RMC1: variants seen among roughly 807,000 people sequenced by gnomAD.
RMC1 encodes the protein regulator of MON1-CCZ1, also known as regulator of MON1-CCZ1 complex.
A neutral mutation model predicts 95.5 loss-of-function variants in RMC1; 44 were observed. That is an observed-to-expected ratio of 0.46 (90% CI 0.36 to 0.59). The LOEUF is 0.59. Among genes scored for constraint, RMC1 ranks in the 20% least tolerant of loss-of-function variants. RMC1 has a pLI of 0.00. For missense variants in RMC1, 705 were observed against 819.6 expected, an observed-to-expected ratio of 0.86 and a Z score of 1.71; for synonymous variants, 320 against 303.6, an observed-to-expected ratio of 1.05 and a Z score of -0.56.
Position 23,512,035 on chromosome 18 carries a change from T to C in RMC1, c.408+2756T>C, listed in dbSNP as rs1443575631. Among the ~76,000 whole-genome samples, 18 of 151,082 alleles carry C rather than the reference T, an allele frequency of 1.2e-4. No individual in the cohort carries two copies. In the East Asian group the frequency reaches 2.9e-3, roughly 24 times the overall value. On this transcript the variant is annotated intron_variant, in intron 5 of 19. Transcript: ENST00000269221. The stretch of plus-strand genomic sequence containing the variant: ...GAAAGACTTTTTTTTTTTTTTTTTT[T>C]TCTGAGACAGAGTCTCACTCCGTCG...
At chr18:23,531,536 T>C in intron 19 of RMC1, 89 bp from the exon 20 acceptor site, 1 of 1,539,652 alleles carries the variant, frequency 6.5e-7, no homozygotes, top group Non-Finnish European at 8.7e-7. Flanking sequence ...AAAAATAAGT[T>C]AAAACCCAGT....
chr18:23,517,658 T>C (rs966645939), intron 7 of RMC1, among the ~76,000 whole-genome samples: 1 of 152,150 alleles, frequency 6.6e-6, no homozygotes, highest in Non-Finnish European at 1.5e-5. Context: ...TGGTAGTTAG[T>C]ATAATGTTCT....
At position 23,507,879 on chromosome 18, in the gene RMC1, C is replaced by T. The variant is rs141953191; in HGVS notation, c.265-106C>T. On this transcript the variant is annotated intron_variant, in intron 3 of 19. Transcript: ENST00000269221. ...GTTGTCTTCAGTTATTTTCTGGTCA[C>T]TTTTTAAGTTAATATTTATTTTTCT... The T allele has an allele frequency of 1.3e-3, 1,283 of 957,210 alleles. 10 individuals are homozygous for T. The African/African-American group carries it at 0.02, about 15-fold the overall frequency. 59.3% of individuals were successfully genotyped at this position (957,210 alleles called of 1,614,324 possible).
intron 6 of RMC1, 148 bp from the exon 7 acceptor site, chr18:23,516,171 TG>T: frequency 7.8e-7 from 1 of 1,283,438 alleles, no homozygotes; most frequent in Non-Finnish European, 1.1e-6. Flanking sequence ...CATTCTATGC[TG>T]GGCAGACAGG....
At chr18:23,512,481 C>T (rs896622854) in intron 5 of RMC1, among the ~76,000 whole-genome samples, 6 of 152,248 alleles carry the variant, frequency 3.9e-5, no homozygotes, top group East Asian at 1.9e-4. Flanking sequence ...AGTACAGTGG[C>T]ACAATCACGG....
At chr18:23,508,234 G>C (rs2057762066) in intron 4 of RMC1, among the ~76,000 whole-genome samples, 193 bp downstream of exon 4, 1 of 152,160 alleles carries the variant, frequency 6.6e-6, no homozygotes, top group African/African-American at 2.4e-5. Context: ...TTGAAAGCTT[G>C]TTCCTTTGGA....
chr18:23,512,388 A>G (rs2057885764), intron 5 of RMC1, among the ~76,000 whole-genome samples: 2 of 151,960 alleles, frequency 1.3e-5, no homozygotes, highest in African/African-American at 4.8e-5. Context: ...TATATTGTCC[A>G]TTTGTATTTT....
intron 10 of RMC1, among the ~76,000 whole-genome samples, chr18:23,523,781 T>C (rs2058213917): frequency 6.6e-6 from 1 of 152,186 alleles, no homozygotes; most frequent in African/African-American, 2.4e-5. Flanking sequence ...TCTCCGTGGA[T>C]GATCTGGGTA....
At chr18:23,504,486 A>C (rs1360487371) in intron 2 of RMC1, 39 bp downstream of exon 2, 1 of 1,514,214 alleles carries the variant, frequency 6.6e-7, no homozygotes, top group African/African-American at 1.4e-5. Flanking sequence ...TTGTCATGTA[A>C]ACAGAATGAT....
At chr18:23,511,348 A>G (rs1419797858) in intron 5 of RMC1, among the ~76,000 whole-genome samples, 2 of 152,172 alleles carry the variant, frequency 1.3e-5, no homozygotes, top group Non-Finnish European at 2.9e-5. Flanking sequence ...GAGGAGGGAG[A>G]GGAGCAGAAA....
At chr18:23,522,545 A>ATTC (rs372151969) in intron 10 of RMC1, 2 of 152,366 alleles carry the variant, frequency 1.3e-5, no homozygotes, top group Non-Finnish European at 2.9e-5. Flanking sequence ...GCCCAAGACC[A>ATTC]TTCTTCTTCT....
At chr18:23,503,874 T>C (rs939477545) in intron 1 of RMC1, among the ~76,000 whole-genome samples, 154 bp downstream of exon 1, 4 of 151,908 alleles carry the variant, frequency 2.6e-5, no homozygotes, top group Admixed American at 6.5e-5. Flanking sequence ...CCTTGTTGGG[T>C]GGGCTCAGCC....
chr18:23,530,066 G>T lies in RMC1; in HGVS notation c.1533G>T (p.Gln511His), dbSNP rs752086610. 1 of 1,614,120 alleles carries T rather than the reference G, an allele frequency of 6.2e-7. No individual in the cohort carries two copies. The stretch of plus-strand genomic sequence containing the variant: ...AACTTGTTATCAAAACCCTTGTCCA[G>T]CACAACCTCTTTTATATGCTGCATC... ...LHELVIKTLV[Q>H]HNLFYMLHQF... Residue 511 changes from glutamine (Q) to histidine (H), a missense_variant, in exon 17 of 20, where the codon CAG becomes CAT. Physicochemically the swap from Gln to His is conservative, Grantham distance 24. Coordinates refer to ENST00000269221, the MANE Select transcript of RMC1 (RefSeq NM_013326.5).
Position 23,503,638 on chromosome 18 carries a change from A to G in RMC1, c.20A>G (p.Tyr7Cys), listed in dbSNP as rs1295694600. The change falls in exon 1 of 20, where the codon TAT becomes TGT. Residue 7 changes from tyrosine to cysteine, a missense_variant. Tyr to Cys is a radical substitution (Grantham distance 194). Coordinates refer to ENST00000269221, the MANE Select transcript of RMC1 (RefSeq NM_013326.5). MGEEDY[Y>C]LELCERPVQF... is the part of the protein sequence containing the mutation. ...CCCGCCATGGGCGAGGAGGACTACT[A>G]TCTGGAGCTGTGCGAGCGGCCGGTG... 10 of 1,584,944 alleles carry G rather than the reference A, an allele frequency of 6.3e-6. No homozygotes were observed. Among genetic ancestry groups the G allele is most frequent in the African/African-American group, 5.6e-5 (4 of 71,206 alleles).
intron 7 of RMC1, among the ~76,000 whole-genome samples, chr18:23,517,697 G>T (rs1788818): frequency 2.0e-5 from 3 of 150,794 alleles, no homozygotes; most frequent in Non-Finnish European, 4.4e-5. Flanking sequence ...TTTTTTAAAC[G>T]TACTCTTCTG....
At position 23,526,286 on chromosome 18, in the gene RMC1, C is replaced by G. The variant is rs1248310871; in HGVS notation, c.1061-351C>G. ...TGAAGTTGATGCCACGTGTTGACAT[C>G]TTTTTCTATTTTAAACGTTAAAAGA... On this transcript the variant is annotated intron_variant, in intron 12 of 19. Coordinates refer to ENST00000269221, the MANE Select transcript of RMC1 (RefSeq NM_013326.5). Among the ~76,000 whole-genome samples, 5 of 152,180 alleles carry G rather than the reference C, an allele frequency of 3.3e-5. No individual in the cohort carries two copies. The East Asian group carries it at 9.6e-4, about 29-fold the overall frequency.
Position 23,507,052 on chromosome 18 carries a change from G to A in RMC1, c.262G>A (p.Val88Met). Residue 88 changes from valine to methionine, a missense_variant and splice_region_variant, in exon 3 of 20, where the codon GTG becomes ATG. Coordinates refer to ENST00000269221, the MANE Select transcript of RMC1 (RefSeq NM_013326.5). ...GGCTGTTCAGAGGACCTCAAAGACT[G>A]TGGTAAGACTTATCTTTAAAATACA... The part of the protein sequence containing the change: ...ILAVQRTSKT[V>M]DFCNFIPDNS... The A allele has an allele frequency of 6.3e-7, 1 of 1,590,328 alleles. No homozygotes were observed. Among genetic ancestry groups the A allele is most frequent in the Non-Finnish European group, 8.6e-7 (1 of 1,165,314 alleles).
At chr18:23,518,517 T>A (rs2058067077) in intron 7 of RMC1, among the ~76,000 whole-genome samples, 2 of 151,710 alleles carry the variant, frequency 1.3e-5, no homozygotes, top group Non-Finnish European at 1.5e-5. Flanking sequence ...AAAAAAATAG[T>A]GATTATATTT....
Position 23,503,630 on chromosome 18 carries a change from G to C in RMC1, c.12G>C (p.Glu4Asp). Residue 4 changes from glutamate to aspartate, a missense_variant, in exon 1 of 20, where the codon GAG (glutamate) becomes GAC (aspartate). Transcript: ENST00000269221. MGE[E>D]DYYLELCERP... ...GCGCGGCGCCCGCCATGGGCGAGGA[G>C]GACTACTATCTGGAGCTGTGCGAGC... 6.4e-7 allele frequency: 1 copy of C among 1,569,190 alleles called. No homozygotes were observed. Among genetic ancestry groups the C allele is most frequent in the African/African-American group, 1.4e-5 (1 of 70,452 alleles).
Sources: gnomAD v4.1 joint callset for allele counts (sites outside exome capture counted in the v4.1 genomes callset) on GRCh38, gnomAD v4.1.1 for gene constraint, MANE v1.5 for transcripts, NCBI Gene and HGNC (gene_info 2026-07-23, HGNC 2026-07-21) for gene names.